Variants in MUC3A observed in about 807,000 individuals in gnomAD.
The protein encoded by MUC3A is mucin 3A, cell surface associated, also known as mucin-3A.
In MUC3A, 109 loss-of-function variants were observed where a neutral mutation model predicts 109.0. That is an observed-to-expected ratio of 1.00 (90% CI 0.86 to 1.17). MUC3A has a LOEUF of 1.17. MUC3A is among the 50% of genes most tolerant of loss of function. The probability of loss-of-function intolerance (pLI) is 0.00; values close to 1 mark genes in which losing one functional copy is unlikely to be tolerated. For synonymous variants in MUC3A, 1,398 were observed against 981.4 expected (o/e 1.42, Z -7.93); for missense variants, 3,537 against 2,469.4 (o/e 1.43, Z -9.16).
At position 100,957,527 on chromosome 7, in the gene MUC3A, C is replaced by T. The variant is rs1285690379; in HGVS notation, c.5748C>T (p.Thr1916=). 8.4e-7 allele frequency: 1 copy of T among 1,191,222 alleles called. No individual in the cohort carries two copies. The highest frequency in any genetic ancestry group is 1.0e-6 in the Non-Finnish European group (1 of 968,530). 73.8% of individuals were successfully genotyped at this position (1,191,222 alleles called of 1,614,324 possible). ...CTTCTTCAATCGCAACCACCGAGAC[C>T]CCCTCACACAGTACTCCCAGATTCA... is the stretch of plus-strand genomic sequence containing the variant. ...SFTSSIATTE[T]PSHSTPRFTS... The change falls in exon 2 of 12, where the codon ACC becomes ACT. Residue 1916 remains threonine, a synonymous_variant. Coordinates refer to ENST00000379458, the MANE Select transcript of MUC3A (RefSeq NM_005960.2).
chr7:100,955,126 C>A lies in MUC3A; in HGVS notation c.3347C>A (p.Thr1116Asn). 9.0e-6 allele frequency: 5 copies of A among 556,298 alleles called. No homozygotes were observed. The highest frequency in any genetic ancestry group is 1.3e-5 in the Non-Finnish European group (4 of 318,138). The allele number at this position is 556,298 out of a possible 1,614,324, so 34.5% of individuals were successfully genotyped here. A position where few individuals can be genotyped will look rare whatever the true frequency, so the allele number is the denominator to read the frequency against. The change falls in exon 2 of 12, where the codon ACT (threonine) becomes AAT (asparagine). Residue 1116 changes from threonine (T) to asparagine (N), a missense_variant. Transcript: ENST00000379458. ...ATAACAGGTACATTGTCCACTGCCA[C>A]TACTCTCCCACCCACCTCTTCCTCT... ...TSITGTLSTATTLPPTSSSLP... is the reference protein window; with the variant it reads ...TSITGTLSTANTLPPTSSSLP...
At position 100,958,020 on chromosome 7, in the gene MUC3A, A is replaced by C. The variant is rs933596138; in HGVS notation, c.6241A>C (p.Thr2081Pro). The C allele has an allele frequency of 1.0e-3, 660 of 654,792 alleles. 4 individuals are homozygous for C. In the African/African-American group the frequency reaches 0.015, roughly 15 times the overall value. The allele number at this position is 654,792 out of a possible 1,614,324, so 40.6% of individuals were successfully genotyped here. The change falls in exon 2 of 12, where the codon ACC becomes CCC. Residue 2081 changes from threonine (T) to proline (P), a missense_variant. By Grantham distance (38) the Thr-to-Pro change is conservative. Coordinates refer to ENST00000379458, the MANE Select transcript of MUC3A (RefSeq NM_005960.2). ...HSTLSYTTSI[T>P]TTETPSHSTL... ...TACTCTCAGCTACACTACCTCAATCACCACCACCGAGACCCCCTCACACAG... is the reference window on the plus strand; with the variant it reads ...TACTCTCAGCTACACTACCTCAATCCCCACCACCGAGACCCCCTCACACAG...
At chr7:100,961,880 G>C (rs972846009) in intron 3 of MUC3A, among the ~76,000 whole-genome samples, 9 of 152,310 alleles carry the variant, frequency 5.9e-5, no homozygotes, top group Non-Finnish European at 1.0e-4. Flanking sequence ...GGCCGAGGAG[G>C]GAGTATCGCT....
In MUC3A at chr7:100,959,753, CA is replaced by C. The variant is rs747488978; in HGVS notation, c.7975del (p.Thr2659LeufsTer16). On this transcript the variant is annotated frameshift_variant, in exon 2 of 12. Transcript: ENST00000379458. LOFTEE classifies it high-confidence loss of function. ...CTTCACTCACATCTACAAGTGAGTT[CA>C]CTACAGAATCTTTCACTAGGGGAAG... Reference protein sequence around the residue: ...QTSLTSTSEFTTESFTRGSTS... With the variant: ...QTSLTSTSEFXTESFTRGSTS... The C allele has an allele frequency of 6.3e-7, 1 of 1,598,316 alleles. No individual in the cohort carries two copies.
chr7:100,965,205 T>C, intron 6 of MUC3A, 77 bp from the exon 7 acceptor site: 1 of 1,562,090 alleles, frequency 6.4e-7, no homozygotes, highest in Non-Finnish European at 8.6e-7. Flanking sequence ...GTGCCTATCC[T>C]GCCTCCTGGC....
rs776874267 is a variant in MUC3A at position 100,959,098 on chromosome 7, C to T, written c.7319C>T (p.Thr2440Ile). ...ITTTETTSES[T>I]PSLSSSTIYS... ...ACCACTGAGACCACCTCAGAGAGTA[C>T]TCCCAGCCTCAGTTCTTCAACCATC... The change falls in exon 2 of 12, where the codon ACT becomes ATT. Residue 2440 changes from threonine (T) to isoleucine (I), a missense_variant. Thr to Ile is a moderately conservative substitution (Grantham distance 89). Transcript: ENST00000379458. 1.3e-6 allele frequency: 2 copies of T among 1,595,610 alleles called. No individual in the cohort carries two copies. The highest frequency in any genetic ancestry group is 3.3e-5 in the Admixed American group (2 of 59,896).
At position 100,958,581 on chromosome 7, in the gene MUC3A, CAT is replaced by C; in HGVS notation, c.6803_6804del (p.His2268ArgfsTer13). 1 of 1,258,546 alleles carries C rather than the reference CAT, an allele frequency of 7.9e-7. No individual in the cohort carries two copies. The highest frequency in any genetic ancestry group is 2.5e-5 in the East Asian group (1 of 40,036). The allele number at this position is 1,258,546 out of a possible 1,614,324, so 78.0% of individuals were successfully genotyped here. On this transcript the variant is annotated frameshift_variant, in exon 2 of 12. Coordinates refer to ENST00000379458, the MANE Select transcript of MUC3A (RefSeq NM_005960.2). LOFTEE classifies it high-confidence loss of function. ...GATCACCACCACTGAGACCACCTCA[CAT>C]GATACTCCCAGCTTCACTTCTTCAA... ...SSITTTETTSHDTPSFTSSIT... is the reference protein window; with the variant it reads ...SSITTTETTSXDTPSFTSSIT...
At chr7:100,966,207 C>A in intron 8 of MUC3A, 179 bp from the exon 9 acceptor site, 1 of 324,558 alleles carries the variant, frequency 3.1e-6, no homozygotes, top group Non-Finnish European at 3.8e-6. Flanking sequence ...CGCCCCCTCA[C>A]CTAGGGTAGA....
rs767103650 is a variant in MUC3A at position 100,966,884 on chromosome 7, C to CCT, written c.9878-4_9878-3dup. ...CCCTCTCCCCTTCTCTTTCTCCGCT[C>CCT]CTCTCTCTCTCTAGACAAGGATACA... On this transcript the variant is annotated splice_polypyrimidine_tract_variant and intron_variant, in intron 10 of 11. Coordinates refer to ENST00000379458, the MANE Select transcript of MUC3A (RefSeq NM_005960.2). 16 of 1,592,140 alleles carry CCT rather than the reference C, an allele frequency of 1.0e-5. No homozygotes were observed. Among genetic ancestry groups the CCT allele is most frequent in the Admixed American group, 3.3e-5 (2 of 59,886 alleles).
chr7:100,962,425 A>AC (rs1198368805), intron 3 of MUC3A, among the ~76,000 whole-genome samples: 61 of 145,360 alleles, frequency 4.2e-4, no homozygotes, highest in African/African-American at 1.4e-4. Flanking sequence ...CTCAACAATA[A>AC]AAAAAAGTTA....
chr7:100,949,538 T>A lies in MUC3A; in HGVS notation c.-87T>A, dbSNP rs1042996787. 10 of 1,170,180 alleles carry A rather than the reference T, an allele frequency of 8.5e-6. No individual in the cohort carries two copies. In the East Asian group the frequency reaches 3.1e-4, roughly 37 times the overall value. 72.5% of individuals were successfully genotyped at this position (1,170,180 alleles called of 1,614,324 possible). A position where few individuals can be genotyped will look rare whatever the true frequency, so the allele number is the denominator to read the frequency against. ...TCAGCAAAACCGATAACCAGCACTT[T>A]CATTACGTGCACGCCCCAGGGCCAC... is the stretch of plus-strand genomic sequence containing the variant. On this transcript the variant is annotated 5_prime_UTR_variant, in exon 1 of 12. Coordinates refer to ENST00000379458, the MANE Select transcript of MUC3A (RefSeq NM_005960.2).
rs1792076844 is a variant in MUC3A at position 100,955,603 on chromosome 7, G to A, written c.3824G>A (p.Ser1275Asn). The A allele has an allele frequency of 6.4e-6, 3 of 471,546 alleles. No homozygotes were observed. Among genetic ancestry groups the A allele is most frequent in the East Asian group, 6.7e-5 (2 of 29,660 alleles). The allele number at this position is 471,546 out of a possible 1,614,324, so 29.2% of individuals were successfully genotyped here. ...ACAAGTACTGACAGCACTCTAACAA[G>A]TTCCCTCCTGACGACCTTCCCAAGT... is the stretch of plus-strand genomic sequence containing the variant. ...TITSTDSTLT[S>N]SLLTTFPSTY... Residue 1275 changes from serine (S) to asparagine (N), a missense_variant, in exon 2 of 12, where the codon AGT becomes AAT. Physicochemically the swap from Ser to Asn is conservative, Grantham distance 46. Transcript: ENST00000379458.
rs1443996910 is a variant in MUC3A, at chr7:100,957,202, C to T, written c.5423C>T (p.Ala1808Val). The T allele has an allele frequency of 1.9e-5, 9 of 471,842 alleles. No homozygotes were observed. The highest frequency in any genetic ancestry group is 3.8e-5 in the Admixed American group (1 of 26,354). The allele number at this position is 471,842 out of a possible 1,614,324, so 29.2% of individuals were successfully genotyped here. A position where few individuals can be genotyped will look rare whatever the true frequency, so the allele number is the denominator to read the frequency against. The change falls in exon 2 of 12, where the codon GCG becomes GTG. Residue 1808 changes from alanine (A) to valine (V), a missense_variant. Coordinates refer to ENST00000379458, the MANE Select transcript of MUC3A (RefSeq NM_005960.2). ...SSSTPVPSTE[A>V]ITSGTTNTTP... The stretch of plus-strand genomic sequence containing the variant: ...TCTACGCCTGTCCCAAGTACAGAAG[C>T]GATCACCAGTGGTACCACAAACACC...
Position 100,967,112 on chromosome 7 carries a change from C to G in MUC3A, c.9931-9C>G. 6.3e-7 allele frequency: 1 copy of G among 1,598,540 alleles called. No homozygotes were observed. Among genetic ancestry groups the G allele is most frequent in the Non-Finnish European group, 8.5e-7 (1 of 1,179,818 alleles). The stretch of plus-strand genomic sequence containing the variant: ...TCCGCGTTCCCGTCCCTCACTGTGA[C>G]TCTGACAGGTGCACATCAAGAGACC... On this transcript the variant is annotated splice_polypyrimidine_tract_variant and intron_variant, in intron 11 of 11. Transcript: ENST00000379458.
intron 3 of MUC3A, 36 bp downstream of exon 3, chr7:100,960,973 C>G: frequency 6.3e-7 from 1 of 1,598,424 alleles, no homozygotes; most frequent in Non-Finnish European, 8.5e-7. Flanking sequence ...GCACTTCCTC[C>G]CACAGGGTGT....
chr7:100,959,589 A>T lies in MUC3A; in HGVS notation c.7810A>T (p.Thr2604Ser). 1 of 1,596,864 alleles carries T rather than the reference A, an allele frequency of 6.3e-7. No homozygotes were observed. Among genetic ancestry groups the T allele is most frequent in the South Asian group, 1.1e-5 (1 of 90,782 alleles). ...PAPTTVTFGS[T>S]DSSTSTLHTL... ...ACCTACTACTGTCACCTTTGGAAGT[A>T]CGGATTCCTCCACGTCCACTCTTCA... Residue 2604 changes from threonine to serine, a missense_variant, in exon 2 of 12, where the codon ACG becomes TCG. By Grantham distance (58) the Thr-to-Ser change is moderately conservative. Transcript: ENST00000379458.
chr7:100,952,317 G>A lies in MUC3A; in HGVS notation c.538G>A (p.Glu180Lys). Residue 180 changes from glutamate (E) to lysine (K), a missense_variant, in exon 2 of 12, where the codon GAG becomes AAG. Transcript: ENST00000379458. ...VTSTYSMTTT[E>K]KGTSAMTSSP... ...CAGTACTTACTCTATGACCACTACT[G>A]AGAAAGGAACGTCAGCCATGACATC... The A allele has an allele frequency of 6.3e-7, 1 of 1,598,540 alleles. No homozygotes were observed. Among genetic ancestry groups the A allele is most frequent in the Admixed American group, 1.7e-5 (1 of 60,032 alleles).
Position 100,953,414 on chromosome 7 carries a change from G to A in MUC3A, c.1635G>A (p.Gly545=). 1.9e-6 allele frequency: 1 copy of A among 518,678 alleles called. No homozygotes were observed. The highest frequency in any genetic ancestry group is 3.7e-5 in the Admixed American group (1 of 27,396). 32.1% of individuals were successfully genotyped at this position (518,678 alleles called of 1,614,324 possible). ...FSSSMSASSA[G]TTHTESISSP... is the part of the protein sequence containing the mutation. ...CTTCCATGTCTGCCAGCAGTGCTGG[G>A]ACCACTCACACAGAGAGTATCTCCT... The change falls in exon 2 of 12, where the codon GGG becomes GGA. Residue 545 remains glycine (G), a synonymous_variant. Coordinates refer to ENST00000379458, the MANE Select transcript of MUC3A (RefSeq NM_005960.2).
In MUC3A at chr7:100,967,372, A is replaced by G. The variant is rs1360092464; in HGVS notation, c.*210A>G. 2.7e-6 allele frequency: 2 copies of G among 747,586 alleles called. No individual in the cohort carries two copies. Among genetic ancestry groups the G allele is most frequent in the Non-Finnish European group, 4.3e-6 (2 of 469,826 alleles). The allele number at this position is 747,586 out of a possible 1,614,324, so 46.3% of individuals were successfully genotyped here. A position where few individuals can be genotyped will look rare whatever the true frequency, so the allele number is the denominator to read the frequency against. ...ACGCAGTTCACGTCCAGGCTCTTCCACTGTGGAATCTTGGGCAAGTCAGTA... is the reference window on the plus strand; with the variant it reads ...ACGCAGTTCACGTCCAGGCTCTTCCGCTGTGGAATCTTGGGCAAGTCAGTA... On this transcript the variant is annotated 3_prime_UTR_variant, in exon 12 of 12. Coordinates refer to ENST00000379458, the MANE Select transcript of MUC3A (RefSeq NM_005960.2).
Sources: allele counts gnomAD v4.1 joint callset (sites outside exome capture counted in the v4.1 genomes callset), GRCh38; gene constraint gnomAD v4.1.1; transcripts MANE v1.5; gene names NCBI Gene and HGNC (gene_info 2026-07-23, HGNC 2026-07-21).